CAPZB: variants seen among roughly 807,000 people sequenced by gnomAD.
CAPZB encodes F-actin-capping protein subunit beta.
CAPZB carries 2 observed loss-of-function variants against 38.1 expected under a neutral mutation model. The ratio of observed to expected loss-of-function variants is 0.05; its 90% CI spans 0.02 to 0.17. CAPZB has a LOEUF of 0.17. Among genes scored for constraint, CAPZB ranks in the 10% least tolerant of loss-of-function variants. CAPZB has a pLI of 1.00. For missense variants in CAPZB, 161 were observed against 334.2 expected, an observed-to-expected ratio of 0.48 and a Z score of 4.04; for synonymous variants, 107 against 127.4, an observed-to-expected ratio of 0.84 and a Z score of 1.08.
At chr1:19,383,305 G>C (rs550144758) in intron 3 of CAPZB, among the ~76,000 whole-genome samples, 12 of 152,176 alleles carry the variant, frequency 7.9e-5, no homozygotes, top group African/African-American at 2.9e-4. Flanking sequence ...GACTAGCTGG[G>C]AGCGATGGCG....
At chr1:19,476,179 G>C (rs536993771) in intron 1 of CAPZB, among the ~76,000 whole-genome samples, 135 of 59,568 alleles carry the variant, frequency 2.3e-3, no homozygotes, top group African/African-American at 0.011. Context: ...TAGATAGATA[G>C]ATAGATAGAT....
intron 1 of CAPZB, chr1:19,449,239 A>C: frequency 9.0e-7 from 1 of 1,108,582 alleles, no homozygotes; most frequent in Non-Finnish European, 1.1e-6. Flanking sequence ...CAACAGGAAC[A>C]AAGTGGGGTC....
At chr1:19,471,590 C>CAT (rs1558292284) in intron 1 of CAPZB, among the ~76,000 whole-genome samples, 1 of 152,084 alleles carries the variant, frequency 6.6e-6, no homozygotes, top group Non-Finnish European at 1.5e-5. Context: ...CTCGGCTGGG[C>CAT]GCTGTGGCTC....
intron 4 of CAPZB, among the ~76,000 whole-genome samples, chr1:19,359,401 C>A (rs1409469476): frequency 6.6e-6 from 1 of 152,158 alleles, no homozygotes; most frequent in Admixed American, 6.5e-5. Flanking sequence ...CTCCAACCCG[C>A]AGACCTGCGG....
At chr1:19,361,993 A>G (rs1279774785) in intron 4 of CAPZB, among the ~76,000 whole-genome samples, 1 of 152,210 alleles carries the variant, frequency 6.6e-6, no homozygotes, top group Non-Finnish European at 1.5e-5. Context: ...CGCTGAGAGC[A>G]GGCTGCAGAG....
At chr1:19,456,271 T>C (rs1383429723) in intron 1 of CAPZB, among the ~76,000 whole-genome samples, 2 of 152,158 alleles carry the variant, frequency 1.3e-5, no homozygotes, top group African/African-American at 2.4e-5. Flanking sequence ...ACAGAACACA[T>C]TGAAGAGAGA....
intron 1 of CAPZB, chr1:19,449,118 C>T (rs2094506086): frequency 7.1e-7 from 1 of 1,412,502 alleles, no homozygotes. Flanking sequence ...AGTTCCATTG[C>T]CACAAAAACT....
intron 1 of CAPZB, among the ~76,000 whole-genome samples, chr1:19,451,631 GGCTCTGGGGAGTGGTCCCCAGAAACATGT>G (rs1276115843): frequency 1.4e-4 from 21 of 152,062 alleles, no homozygotes; most frequent in Middle Eastern, 3.2e-3. Context: ...GGGAGACAGA[GGCTCTGGGGAGTGGTCCCCAGAAACATGT>G]GGCTACTCAG....
chr1:19,411,653 G>GTAAT (rs1266483504), intron 2 of CAPZB, among the ~76,000 whole-genome samples: 4 of 151,148 alleles, frequency 2.6e-5, no homozygotes, highest in African/African-American at 9.9e-5. Context: ...TTTACAGAAG[G>GTAAT]CAATTAATCG....
At chr1:19,437,393 G>A (rs189943607) in intron 1 of CAPZB, among the ~76,000 whole-genome samples, 3 of 152,284 alleles carry the variant, frequency 2.0e-5, no homozygotes, top group Admixed American at 2.0e-4. Flanking sequence ...GAAAATCACA[G>A]GCAAGGCCAC....
intron 1 of CAPZB, among the ~76,000 whole-genome samples, chr1:19,474,001 CTT>C (rs544201183): frequency 2.1e-5 from 3 of 146,254 alleles, no homozygotes; most frequent in Non-Finnish European, 3.0e-5. Flanking sequence ...TATGTACATT[CTT>C]TTTTTTTTTT....
chr1:19,345,196 G>C lies in CAPZB; in HGVS notation c.645C>G (p.Arg215=). 1.2e-6 allele frequency: 2 copies of C among 1,613,898 alleles called. No homozygotes were observed. The highest frequency in any genetic ancestry group is 1.7e-6 in the Non-Finnish European group (2 of 1,179,846). The change falls in exon 7 of 9, where the codon CGC becomes CGG. Residue 215 remains arginine, a synonymous_variant. Transcript: ENST00000264202. The stretch of plus-strand genomic sequence containing the variant: ...AGCCCAGGTCACTCACCTCTACCAG[G>C]CGCCCGATGTTGGCTATGTGTGGGG... The part of the protein sequence containing the change: ...DCSPHIANIG[R]LVEDMENKIR...
rs371398074 is a variant in CAPZB at position 19,379,100 on chromosome 1, C to CTTT, written c.216-450_216-448dup. On this transcript the variant is annotated intron_variant, in intron 3 of 8. Transcript: ENST00000264202. Reference sequence around the variant, plus strand: ...GTTCACCACCTATTTTTTTTTCTTTCTTTTTTTTTTTTTTTTAAGACAGAG... The same window carrying CTTT: ...GTTCACCACCTATTTTTTTTTCTTTCTTTTTTTTTTTTTTTTTTTAAGACAGAG... Among the ~76,000 whole-genome samples the CTTT allele has an allele frequency of 8.8e-3, 1,219 of 138,266 alleles. 61 individuals are homozygous for CTTT. The East Asian group carries it at 0.13, about 15-fold the overall frequency. The allele number at this position is 138,266 out of a possible 152,430, so 90.7% of individuals were successfully genotyped here. A position where few individuals can be genotyped will look rare whatever the true frequency, so the allele number is the denominator to read the frequency against.
At chr1:19,373,018 G>A (rs2094127010) in intron 4 of CAPZB, among the ~76,000 whole-genome samples, 1 of 152,066 alleles carries the variant, frequency 6.6e-6, no homozygotes, top group African/African-American at 2.4e-5. Flanking sequence ...TGCGCAAACT[G>A]GCTCTTTTCA....
intron 4 of CAPZB, among the ~76,000 whole-genome samples, chr1:19,372,942 G>A (rs371569741): frequency 6.6e-6 from 1 of 152,220 alleles, no homozygotes. Flanking sequence ...GGTGACTTGC[G>A]AGCAGATAAT....
intron 1 of CAPZB, among the ~76,000 whole-genome samples, chr1:19,423,722 T>G (rs192037399): frequency 1.3e-5 from 2 of 151,450 alleles, no homozygotes; most frequent in Admixed American, 1.3e-4. Context: ...GGGTCTCACT[T>G]TGTTACCCAG....
chr1:19,449,799 A>AAG (rs1198804929), intron 1 of CAPZB, among the ~76,000 whole-genome samples: 9 of 150,548 alleles, frequency 6.0e-5, no homozygotes, highest in South Asian at 2.1e-4. Context: ...AAAAAAAAAA[A>AAG]AGAGAGAGAC....
At chr1:19,387,385 A>G (rs183450610) in intron 2 of CAPZB, among the ~76,000 whole-genome samples, 76 of 152,306 alleles carry the variant, frequency 5.0e-4, no homozygotes, top group Admixed American at 3.5e-3. Context: ...AGAGCCCTTC[A>G]ACTGGAAGGA....
chr1:19,476,218 AGATAGAT>A (rs1558296575), intron 1 of CAPZB, among the ~76,000 whole-genome samples: 7 of 98,648 alleles, frequency 7.1e-5, no homozygotes, highest in Admixed American at 4.8e-4. Context: ...ATAGATAGAT[AGATAGAT>A]AGGCAGGCAG....
Sources: gnomAD v4.1 joint callset for allele counts (sites outside exome capture counted in the v4.1 genomes callset) on GRCh38, gnomAD v4.1.1 for gene constraint, MANE v1.5 for transcripts, NCBI Gene and HGNC (gene_info 2026-07-23, HGNC 2026-07-21) for gene names.